Variants in SNX10 observed in about 807,000 individuals in gnomAD.
SNX10 encodes the protein sorting nexin 10.
Under a neutral mutation model 28.5 loss-of-function variants are expected in SNX10, and 25 were observed. That is an observed-to-expected ratio of 0.88 (90% CI 0.64 to 1.22). The LOEUF is 1.22. Among genes scored for constraint, SNX10 ranks in the 50% most tolerant of loss-of-function variants. The pLI, the probability that SNX10 is intolerant of heterozygous loss-of-function variation, is 0.00. For missense variants in SNX10, 223 were observed against 242.6 expected (o/e 0.92, Z 0.54); for synonymous variants, 62 against 81.4 (o/e 0.76, Z 1.28).
intron 2 of SNX10, among the ~76,000 whole-genome samples, chr7:26,353,459 T>TTTTTTTTTTTG (rs1554359898): frequency 1.7e-5 from 1 of 58,410 alleles, no homozygotes; most frequent in Non-Finnish European, 4.4e-5. Context: ...TTTTTTTTTT[T>TTTTTTTTTTTG]TGGTGGGGAG....
At chr7:26,362,858 C>G (rs1584171911) in intron 3 of SNX10, among the ~76,000 whole-genome samples, 1 of 152,130 alleles carries the variant, frequency 6.6e-6, no homozygotes, top group African/African-American at 2.4e-5. Flanking sequence ...CTCCCCTGAA[C>G]CTGCCCTGCA....
At chr7:26,329,770 C>G (rs1281270093) in intron 1 of SNX10, among the ~76,000 whole-genome samples, 1 of 152,178 alleles carries the variant, frequency 6.6e-6, no homozygotes, top group Non-Finnish European at 1.5e-5. Flanking sequence ...TGGAGCCAGT[C>G]ACAGACGTGG....
chr7:26,350,550 A>G (rs1163801242), intron 2 of SNX10, among the ~76,000 whole-genome samples: 2 of 152,170 alleles, frequency 1.3e-5, no homozygotes, highest in Non-Finnish European at 2.9e-5. Context: ...TTAACAAATA[A>G]ATAATATTAG....
intron 5 of SNX10, among the ~76,000 whole-genome samples, chr7:26,366,886 G>T (rs1562821944): frequency 6.6e-6 from 1 of 152,198 alleles, no homozygotes; most frequent in African/African-American, 2.4e-5. Context: ...CCATAGTGGG[G>T]TTATGCTTGT....
intron 1 of SNX10, among the ~76,000 whole-genome samples, chr7:26,320,775 C>T (rs1234966833): frequency 6.6e-6 from 1 of 152,184 alleles, no homozygotes; most frequent in Non-Finnish European, 1.5e-5. Context: ...CACATATGTA[C>T]ACACTTAATG....
chr7:26,328,380 T>C (rs115124891), intron 1 of SNX10, among the ~76,000 whole-genome samples: 241 of 152,286 alleles, frequency 1.6e-3, no homozygotes, highest in African/African-American at 5.5e-3. Context: ...GTATCATGTG[T>C]CTACCAGCCT....
At position 26,364,371 on chromosome 7, in the gene SNX10, C is replaced by T. The variant is rs1419770306; in HGVS notation, c.112-164C>T. Reference sequence around the variant, plus strand: ...GGCTGTCTTCAGGGCTGTTATGTTCCTGGGTTATGTGCAAGATTTCAGAGT... The same window carrying T: ...GGCTGTCTTCAGGGCTGTTATGTTCTTGGGTTATGTGCAAGATTTCAGAGT... On this transcript the variant is annotated intron_variant, in intron 3 of 6. Coordinates refer to ENST00000338523, the MANE Select transcript of SNX10 (RefSeq NM_013322.3). This position sits in a 1 kb window ranked among gnomAD's most constrained non-coding sequence, Gnocchi z 4.9. The T allele has an allele frequency of 8.8e-6, 12 of 1,369,818 alleles. No homozygotes were observed. The East Asian group carries it at 3.2e-4, about 36-fold the overall frequency. The allele number at this position is 1,369,818 out of a possible 1,614,324, so 84.9% of individuals were successfully genotyped here.
At chr7:26,308,933 G>A (rs146983843) in intron 1 of SNX10, among the ~76,000 whole-genome samples, 15 of 152,246 alleles carry the variant, frequency 9.9e-5, no homozygotes, top group African/African-American at 3.6e-4. Context: ...TTGCTTGTTG[G>A]TGGGAAGAAG....
intron 1 of SNX10, among the ~76,000 whole-genome samples, chr7:26,323,861 C>G (rs1177180274): frequency 6.6e-6 from 1 of 152,154 alleles, no homozygotes; most frequent in Non-Finnish European, 1.5e-5. Context: ...GGACATGTAT[C>G]TCCAGATAGC....
chr7:26,335,547 C>A (rs1309337872), intron 1 of SNX10, among the ~76,000 whole-genome samples: 1 of 149,354 alleles, frequency 6.7e-6, no homozygotes, highest in South Asian at 2.3e-4. Context: ...GACAGCCAGC[C>A]GCCTGTAGAT....
At chr7:26,321,674 G>A (rs1394498608) in intron 1 of SNX10, among the ~76,000 whole-genome samples, 12 of 152,296 alleles carry the variant, frequency 7.9e-5, no homozygotes, top group African/African-American at 2.6e-4. Flanking sequence ...TCACATGCCA[G>A]GAGGGAGTGA....
intron 1 of SNX10, among the ~76,000 whole-genome samples, chr7:26,294,926 C>T (rs1786053690): frequency 6.6e-6 from 1 of 152,156 alleles, no homozygotes; most frequent in Admixed American, 6.6e-5. Flanking sequence ...TCTCAGCCAC[C>T]CACCTGCGAA....
At position 26,372,781 on chromosome 7, in the gene SNX10, A is replaced by C; in HGVS notation, c.*209A>C. 2.0e-6 allele frequency: 1 copy of C among 491,272 alleles called. No homozygotes were observed. Among genetic ancestry groups the C allele is most frequent in the Non-Finnish European group, 3.6e-6 (1 of 275,394 alleles). 30.4% of individuals were successfully genotyped at this position (491,272 alleles called of 1,614,324 possible). ...GTGTAAAGCTAAAAATCCTGTGAATACAATACTATCCTTTACAGGCAGACA... is the reference window on the plus strand; with the variant it reads ...GTGTAAAGCTAAAAATCCTGTGAATCCAATACTATCCTTTACAGGCAGACA... On this transcript the variant is annotated 3_prime_UTR_variant, in exon 7 of 7. Transcript: ENST00000338523.
In SNX10 at chr7:26,342,433, C is replaced by T. The variant is rs1394841728; in HGVS notation, c.-23-3987C>T. 2.6e-5 allele frequency among the ~76,000 whole-genome samples: 4 copies of T among 152,300 alleles called. No individual in the cohort carries two copies. The East Asian group carries it at 7.7e-4, about 29-fold the overall frequency. ...CTGTCATTGAATTTCCTTCTCCCCA[C>T]CAGTAAATGCCATGGCAAGTTCTAG... On this transcript the variant is annotated intron_variant, in intron 1 of 6. Transcript: ENST00000338523.
At position 26,364,322 on chromosome 7, in the gene SNX10, A is replaced by ATG; in HGVS notation, c.112-213_112-212insTG. On this transcript the variant is annotated intron_variant, in intron 3 of 6. Transcript: ENST00000338523. This position sits in a 1 kb window ranked among gnomAD's most constrained non-coding sequence, Gnocchi z 4.9. ...GCCAGGTCATACCTCACCCTGGGGC[A>ATG]ACACTGCTTATTTCCATCATCCTGG... 7.8e-7 allele frequency: 1 copy of ATG among 1,274,872 alleles called. No individual in the cohort carries two copies. Among genetic ancestry groups the ATG allele is most frequent in the Non-Finnish European group, 9.9e-7 (1 of 1,009,356 alleles). 79.0% of individuals were successfully genotyped at this position (1,274,872 alleles called of 1,614,324 possible).
At chr7:26,345,880 G>A (rs1237838483) in intron 1 of SNX10, among the ~76,000 whole-genome samples, 1 of 152,084 alleles carries the variant, frequency 6.6e-6, no homozygotes, top group African/African-American at 2.4e-5. Context: ...TCAAACAACA[G>A]GCTGGCTGCA....
chr7:26,304,318 T>C (rs1224159014), intron 1 of SNX10, among the ~76,000 whole-genome samples: 4 of 152,226 alleles, frequency 2.6e-5, no homozygotes, highest in African/African-American at 9.6e-5. Flanking sequence ...CTTGCTTGAT[T>C]CTCCAATTCA....
intron 1 of SNX10, among the ~76,000 whole-genome samples, chr7:26,308,717 G>GGAGGT (rs1786694706): frequency 6.6e-6 from 1 of 152,162 alleles, no homozygotes. Flanking sequence ...AACCCAAGGA[G>GGAGGT]GAGGTCATGG....
intron 1 of SNX10, among the ~76,000 whole-genome samples, chr7:26,345,552 G>A (rs1019981024): frequency 1.3e-5 from 2 of 152,152 alleles, no homozygotes; most frequent in African/African-American, 2.4e-5. Context: ...CCCTGGAAGC[G>A]GAGCCTGTGT....
Sources: allele counts gnomAD v4.1 joint callset (sites outside exome capture counted in the v4.1 genomes callset), GRCh38; gene constraint gnomAD v4.1.1; non-coding constraint Gnocchi (gnomAD v3.1); transcripts MANE v1.5; gene names NCBI Gene and HGNC (gene_info 2026-07-23, HGNC 2026-07-21).